INPP5A: variants seen among roughly 807,000 people sequenced by gnomAD.
INPP5A encodes the protein inositol polyphosphate-5-phosphatase A, also known as 43 kDa inositol polyphosphate 5-phophatase.
INPP5A carries 14 observed loss-of-function variants against 65.2 expected under a neutral mutation model. The observed-to-expected ratio is 0.21, with a 90% CI of 0.14 to 0.34. The LOEUF is 0.34. INPP5A is among the 10% of genes least tolerant of loss of function. The pLI is 1.00. For synonymous variants in INPP5A, 207 were observed against 208.3 expected (o/e 0.99, Z 0.05); for missense variants, 431 against 545.6 (o/e 0.79, Z 2.09).
intron 1 of INPP5A, among the ~76,000 whole-genome samples, chr10:132,585,109 A>G (rs1284011372): frequency 6.6e-6 from 1 of 152,250 alleles, no homozygotes; most frequent in Non-Finnish European, 1.5e-5. Context: ...TTTGATTAAA[A>G]GTGTGCTTTG....
At position 132,659,539 on chromosome 10, in the gene INPP5A, G is replaced by C. The variant is rs142587203; in HGVS notation, c.306+9034G>C. On this transcript the variant is annotated intron_variant, in intron 4 of 15. Transcript: ENST00000368594. This position sits in a 1 kb window ranked among gnomAD's most constrained non-coding sequence, Gnocchi z 5.5. ...AGGTTATCCAGTGTTCCTTCTCAGC[G>C]AGCAGCTCCCATGGCAGTCCATTCA... Among the ~76,000 whole-genome samples the C allele has an allele frequency of 8.1e-3, 1,234 of 152,310 alleles. 15 individuals carry two copies. Among genetic ancestry groups the C allele is most frequent in the African/African-American group, 0.028 (1,183 of 41,564 alleles).
intron 1 of INPP5A, among the ~76,000 whole-genome samples, chr10:132,573,078 G>A (rs1345970284): frequency 6.7e-6 from 1 of 149,946 alleles, no homozygotes; most frequent in African/African-American, 2.5e-5. Context: ...GTTGGGGTGT[G>A]TGTGCTGTGT....
chr10:132,652,349 G>T (rs555205132), intron 4 of INPP5A, among the ~76,000 whole-genome samples: 1 of 152,366 alleles, frequency 6.6e-6, no homozygotes, highest in South Asian at 2.1e-4. Flanking sequence ...GTCCTAACAC[G>T]TGTGGCTGCA....
chr10:132,665,557 G>T (rs2072790939), intron 4 of INPP5A, among the ~76,000 whole-genome samples: 1 of 149,096 alleles, frequency 6.7e-6, no homozygotes, highest in Non-Finnish European at 1.5e-5. Flanking sequence ...CACTCTGGGA[G>T]GCTGAGGCAG....
chr10:132,635,393 T>C (rs2072332892), intron 2 of INPP5A, among the ~76,000 whole-genome samples: 1 of 90,072 alleles, frequency 1.1e-5, no homozygotes, highest in Non-Finnish European at 2.2e-5. Context: ...AAGATTTTTT[T>C]TTTTTTTTTT....
chr10:132,686,367 A>G (rs1383425965), intron 4 of INPP5A, among the ~76,000 whole-genome samples: 1 of 152,250 alleles, frequency 6.6e-6, no homozygotes, highest in African/African-American at 2.4e-5. Context: ...ATCAATACGT[A>G]AAAAGTATTT....
intron 4 of INPP5A, among the ~76,000 whole-genome samples, chr10:132,684,203 A>G (rs965296711): frequency 6.6e-6 from 1 of 152,062 alleles, no homozygotes; most frequent in Non-Finnish European, 1.5e-5. Flanking sequence ...ATCTGGTTCT[A>G]TCATAGGAAT....
intron 8 of INPP5A, among the ~76,000 whole-genome samples, chr10:132,714,972 G>A (rs1472929517): frequency 2.0e-5 from 3 of 152,214 alleles, no homozygotes; most frequent in African/African-American, 7.2e-5. Flanking sequence ...AGGTGTTGGC[G>A]GCATCTGTGC....
At chr10:132,662,204 G>A (rs1277555189) in intron 4 of INPP5A, among the ~76,000 whole-genome samples, 1 of 152,172 alleles carries the variant, frequency 6.6e-6, no homozygotes, top group African/African-American at 2.4e-5. Flanking sequence ...CGTCGTGTTA[G>A]TGCTGGAAAT....
chr10:132,545,468 G>T lies in INPP5A; in HGVS notation c.75+7297G>T, dbSNP rs1255124643. On this transcript the variant is annotated intron_variant, in intron 1 of 15. Transcript: ENST00000368594. This position sits in a 1 kb window ranked among gnomAD's most constrained non-coding sequence, Gnocchi z 4.6. ...GGCCTCCATCCGGGAATGGGGTCCA[G>T]GCGGAGGAGGGTGGGCATCTCTCCA... Among the ~76,000 whole-genome samples the T allele has an allele frequency of 1.3e-5, 2 of 152,204 alleles. No homozygotes were observed. The highest frequency in any genetic ancestry group is 4.8e-5 in the African/African-American group (2 of 41,456).
At chr10:132,657,179 G>T (rs2072667871) in intron 4 of INPP5A, among the ~76,000 whole-genome samples, 2 of 152,224 alleles carry the variant, frequency 1.3e-5, no homozygotes, top group East Asian at 1.9e-4. Flanking sequence ...AGAACTATGA[G>T]CCTGCAAGGC....
In INPP5A at chr10:132,762,283, G is replaced by C. The variant is rs1391889365; in HGVS notation, c.904-3490G>C. On this transcript the variant is annotated intron_variant, in intron 11 of 15. Transcript: ENST00000368594. This position sits in a 1 kb window ranked among gnomAD's most constrained non-coding sequence, Gnocchi z 4.6. Reference sequence around the variant, plus strand: ...TGAGTCCTGAGCAGGAGGAATGGAAGTAAATCCACACACAGACATGTCAGA... The same window carrying C: ...TGAGTCCTGAGCAGGAGGAATGGAACTAAATCCACACACAGACATGTCAGA... Among the ~76,000 whole-genome samples the C allele has an allele frequency of 6.6e-6, 1 of 152,222 alleles. No homozygotes were observed. The highest frequency in any genetic ancestry group is 1.5e-5 in the Non-Finnish European group (1 of 68,042).
chr10:132,691,991 C>T (rs535088481), intron 5 of INPP5A, among the ~76,000 whole-genome samples: 1 of 152,238 alleles, frequency 6.6e-6, no homozygotes, highest in East Asian at 1.9e-4. Context: ...CGGATGCTGA[C>T]GATATTCTCA....
rs746139002 is a variant in INPP5A at position 132,749,519 on chromosome 10, G to A, written c.735G>A (p.Thr245=). The change falls in exon 10 of 16, where the codon ACG becomes ACA. Residue 245 remains threonine, a splice_region_variant and synonymous_variant. Transcript: ENST00000368594. Reference sequence around the variant, plus strand: ...TCTCCGTTGCTGTCTTTCTGCAGACGCTCTGCACAAAAGCCACCATGCAGA... The same window carrying A: ...TCTCCGTTGCTGTCTTTCTGCAGACACTCTGCACAAAAGCCACCATGCAGA... The part of the protein sequence containing the change: ...FRLDSKSVVE[T]LCTKATMQTV... 20 of 1,612,770 alleles carry A rather than the reference G, an allele frequency of 1.2e-5. No homozygotes were observed. Among genetic ancestry groups the A allele is most frequent in the Admixed American group, 3.3e-5 (2 of 60,012 alleles).
intron 9 of INPP5A, among the ~76,000 whole-genome samples, chr10:132,744,211 T>C (rs1846327317): frequency 6.6e-6 from 1 of 152,346 alleles, no homozygotes; most frequent in African/African-American, 2.4e-5. Context: ...AAGGTGGTTT[T>C]TCTTCTGGTT....
chr10:132,572,688 T>C (rs1428185311), intron 1 of INPP5A, among the ~76,000 whole-genome samples: 2 of 152,170 alleles, frequency 1.3e-5, no homozygotes, highest in Admixed American at 1.3e-4. Flanking sequence ...GTTCTGGCTT[T>C]ACTCGGTAGC....
chr10:132,610,955 G>A (rs1473032469), intron 2 of INPP5A, among the ~76,000 whole-genome samples: 2 of 152,252 alleles, frequency 1.3e-5, no homozygotes, highest in Non-Finnish European at 2.9e-5. Flanking sequence ...GCATCAGGAG[G>A]ATCTCAGGAG....
intron 6 of INPP5A, among the ~76,000 whole-genome samples, chr10:132,699,118 G>C (rs1198300507): frequency 6.6e-6 from 1 of 152,222 alleles, no homozygotes; most frequent in Admixed American, 6.5e-5. Context: ...TCTTCTCCAC[G>C]CACAGTAGTT....
intron 2 of INPP5A, among the ~76,000 whole-genome samples, chr10:132,633,510 C>T (rs1392199152): frequency 6.6e-6 from 1 of 152,158 alleles, no homozygotes; most frequent in Admixed American, 6.5e-5. Flanking sequence ...GGAGTGGGTT[C>T]GTACTGTCTG....
Sources: allele counts gnomAD v4.1 joint callset (sites outside exome capture counted in the v4.1 genomes callset), GRCh38; gene constraint gnomAD v4.1.1; non-coding constraint Gnocchi (gnomAD v3.1); transcripts MANE v1.5; gene names NCBI Gene and HGNC (gene_info 2026-07-23, HGNC 2026-07-21).